The following GSE1 variants were observed in gnomAD, a reference collection of about 807,000 sequenced individuals.
GSE1 encodes Gse1 coiled-coil protein.
A neutral mutation model predicts 112.6 loss-of-function variants in GSE1; 32 were observed. The observed-to-expected ratio is 0.28, with a 90% CI of 0.21 to 0.38. The LOEUF is 0.38. GSE1 is among the 10% of genes least tolerant of loss of function. The pLI, the probability that GSE1 is intolerant of heterozygous loss-of-function variation, is 1.00. For missense variants in GSE1, 2,348 were observed against 1,699.2 expected, an observed-to-expected ratio of 1.38 and a Z score of -6.71; for synonymous variants, 1,115 against 735.6, an observed-to-expected ratio of 1.52 and a Z score of -8.35.
At chr16:85,466,881 G>A (rs1340771525) in intron 2 of GSE1, among the ~76,000 whole-genome samples, 2 of 152,038 alleles carry the variant, frequency 1.3e-5, no homozygotes, top group Admixed American at 6.6e-5. Context: ...CCGAAATGGC[G>A]AAGCCTCATC....
chr16:85,652,050 T>G (rs548576587), intron 3 of GSE1, among the ~76,000 whole-genome samples: 3 of 152,192 alleles, frequency 2.0e-5, no homozygotes, highest in Non-Finnish European at 2.9e-5. Flanking sequence ...CTCACGGGGC[T>G]GGGGTAGGCA....
chr16:85,609,635 A>G (rs925985808), upstream of GSE1, among the ~76,000 whole-genome samples: 1 of 151,552 alleles, frequency 6.6e-6, no homozygotes, highest in Admixed American at 6.6e-5. Context: ...TCTCATGTTC[A>G]TCTGAGATGG....
rs185823529 is a variant in GSE1 at position 85,187,110 on chromosome 16, C to T, written c.2283+15303C>T. On this transcript the variant is annotated intron_variant, in intron 1 of 2. Transcript: ENST00000637419. ...TCCTTGAGGTGCCTCTTGTTTCTGT[C>T]GCCTCCAGGTCTGGAGCCGGCCAGT... 4.2e-3 allele frequency among the ~76,000 whole-genome samples: 642 copies of T among 152,330 alleles called. 15 individuals carry two copies. The highest frequency in any genetic ancestry group is 0.035 in the Admixed American group (539 of 15,306).
intron 1 of GSE1, among the ~76,000 whole-genome samples, chr16:85,175,217 C>G (rs748879422): frequency 6.6e-6 from 1 of 152,208 alleles, no homozygotes; most frequent in South Asian, 2.1e-4. Flanking sequence ...CAGCTGGGCC[C>G]CGGGTCCCCA....
intron 2 of GSE1, among the ~76,000 whole-genome samples, chr16:85,525,088 G>A (rs1160684693): frequency 6.6e-6 from 1 of 152,186 alleles, no homozygotes; most frequent in African/African-American, 2.4e-5. Context: ...ACGTCTGCTG[G>A]CCCGGGGGGT....
At chr16:85,523,630 G>A (rs1020649014) in intron 2 of GSE1, among the ~76,000 whole-genome samples, 7 of 152,204 alleles carry the variant, frequency 4.6e-5, no homozygotes, top group Non-Finnish European at 8.8e-5. Context: ...AGTTCCAGGG[G>A]GCTGAGGGAC....
chr16:85,191,441 G>A (rs1360263906), intron 1 of GSE1, among the ~76,000 whole-genome samples: 1 of 152,082 alleles, frequency 6.6e-6, no homozygotes, highest in East Asian at 1.9e-4. Flanking sequence ...CATTCTGCCT[G>A]GCCACATTAG....
intron 1 of GSE1, among the ~76,000 whole-genome samples, chr16:85,229,835 C>T (rs373134836): frequency 9.2e-5 from 14 of 152,248 alleles, no homozygotes; most frequent in African/African-American, 2.7e-4. Flanking sequence ...GCTGCCACGG[C>T]TCCAAACATC....
At chr16:85,666,462 C>A in intron 13 of GSE1, 115 bp downstream of exon 13, 1 of 911,304 alleles carries the variant, frequency 1.1e-6, no homozygotes, top group Non-Finnish European at 1.7e-6. Context: ...TTATAAACTC[C>A]AATCACCAGA....
At chr16:85,611,860 G>C (rs892320498), upstream of GSE1, among the ~76,000 whole-genome samples, 30 of 152,086 alleles carry the variant, frequency 2.0e-4, no homozygotes, top group Non-Finnish European at 4.0e-4. Flanking sequence ...GCTGGCGCGG[G>C]GAGGGGGAGG....
intron 1 of GSE1, among the ~76,000 whole-genome samples, chr16:85,225,266 CCATAG>C (rs2075464771): frequency 6.6e-6 from 1 of 152,150 alleles, no homozygotes; most frequent in Non-Finnish European, 1.5e-5. Context: ...GAGGACTGCC[CCATAG>C]ATTCTGTGGT....
intron 1 of GSE1, among the ~76,000 whole-genome samples, chr16:85,588,041 C>A (rs1430285445): frequency 6.6e-6 from 1 of 152,198 alleles, no homozygotes; most frequent in African/African-American, 2.4e-5. Flanking sequence ...GGCAGTGTCT[C>A]TTCGTCCTCC....
At chr16:85,663,245 A>G in intron 10 of GSE1, 99 bp from the exon 11 acceptor site, 1 of 1,407,418 alleles carries the variant, frequency 7.1e-7, no homozygotes, top group Non-Finnish European at 9.8e-7. Flanking sequence ...GCAGCCAGCT[A>G]CGGCCCACAC....
intron 2 of GSE1, among the ~76,000 whole-genome samples, chr16:85,468,209 G>A (rs186043077): frequency 1.1e-4 from 16 of 152,142 alleles, no homozygotes; most frequent in Non-Finnish European, 2.2e-4. Context: ...AGAGGAACAG[G>A]GAATATTCGA....
intron 1 of GSE1, among the ~76,000 whole-genome samples, chr16:85,598,413 G>A (rs57321089): frequency 9.9e-5 from 15 of 152,148 alleles, no homozygotes; most frequent in Non-Finnish European, 1.8e-4. Context: ...CCCCATCCCA[G>A]AGCCGCGTGT....
intron 2 of GSE1, among the ~76,000 whole-genome samples, chr16:85,634,923 G>C (rs890768922): frequency 6.6e-6 from 1 of 152,048 alleles, no homozygotes; most frequent in African/African-American, 2.4e-5. Flanking sequence ...TTCTGGCCTC[G>C]GACACCCTCT....
chr16:85,662,695 G>C, intron 9 of GSE1: 1 of 441,734 alleles, frequency 2.3e-6, no homozygotes, highest in Non-Finnish European at 4.1e-6. Context: ...CCTGTGTGAT[G>C]AATGGTTCCC....
chr16:85,473,679 A>C (rs1037260873), intron 2 of GSE1, among the ~76,000 whole-genome samples: 12 of 152,188 alleles, frequency 7.9e-5, no homozygotes, highest in African/African-American at 2.9e-4. Context: ...ACCTCATTGC[A>C]GGAGCCCTCA....
chr16:85,289,658 G>A (rs576604932), intron 1 of GSE1, among the ~76,000 whole-genome samples: 2 of 152,340 alleles, frequency 1.3e-5, no homozygotes, highest in East Asian at 3.9e-4. Flanking sequence ...TAAGCAACGG[G>A]GTGGTGGTGG....
Sources: gnomAD v4.1 joint callset for allele counts (sites outside exome capture counted in the v4.1 genomes callset) on GRCh38, gnomAD v4.1.1 for gene constraint, MANE v1.5 for transcripts, NCBI Gene and HGNC (gene_info 2026-07-23, HGNC 2026-07-21) for gene names.